SLC1A5: variants seen among roughly 807,000 people sequenced by gnomAD.
SLC1A5 encodes neutral amino acid transporter B(0).
SLC1A5 carries 25 observed loss-of-function variants against 34.9 expected under a neutral mutation model. The ratio of observed to expected loss-of-function variants is 0.72; its 90% CI spans 0.52 to 1.00. The LOEUF (loss-of-function observed/expected upper bound fraction) is 1.00. Among genes scored for constraint, SLC1A5 ranks in the 50% least tolerant of loss-of-function variants. The pLI, the probability that SLC1A5 is intolerant of heterozygous loss-of-function variation, is 0.00. For synonymous variants in SLC1A5, 351 were observed against 341.2 expected (o/e 1.03, Z -0.32); for missense variants, 637 against 740.0 (o/e 0.86, Z 1.61).
intron 4 of SLC1A5, among the ~76,000 whole-genome samples, chr19:46,781,804 AC>A (rs2055148303): frequency 6.6e-6 from 1 of 152,152 alleles, no homozygotes; most frequent in African/African-American, 2.4e-5. Context: ...CAGAAGTTAT[AC>A]AAGCAAAAAG....
chr19:46,775,450 C>T lies in SLC1A5; in HGVS notation c.*60G>A. The T allele has an allele frequency of 6.5e-7, 1 of 1,547,268 alleles. No homozygotes were observed. Among genetic ancestry groups the T allele is most frequent in the Non-Finnish European group, 8.7e-7 (1 of 1,148,696 alleles). On this transcript the variant is annotated 3_prime_UTR_variant, in exon 8 of 8. Coordinates refer to ENST00000542575, the MANE Select transcript of SLC1A5 (RefSeq NM_005628.3). ...GCCCTAGCTCATCCATTTATCCATT[C>T]CTCATAATCCAGTGTCCAAAGAGCA...
intron 4 of SLC1A5, among the ~76,000 whole-genome samples, chr19:46,780,910 G>A (rs1389674575): frequency 6.6e-6 from 1 of 152,118 alleles, no homozygotes; most frequent in Non-Finnish European, 1.5e-5. Flanking sequence ...GGCAGACATT[G>A]CAGTGAGCTG....
At chr19:46,779,267 A>G (rs187964056) in intron 4 of SLC1A5, among the ~76,000 whole-genome samples, 2 of 152,048 alleles carry the variant, frequency 1.3e-5, no homozygotes, top group Admixed American at 6.6e-5. Context: ...TCTACTAAAA[A>G]TACAAAATTA....
Position 46,775,288 on chromosome 19 carries a change from G to A in SLC1A5, c.*222C>T. ...TGCTGTTTTCTAGCCTTGAGTTGGG[G>A]ACATGAGTGAGAACTGGGGGTTTTG... On this transcript the variant is annotated 3_prime_UTR_variant, in exon 8 of 8. Transcript: ENST00000542575. 1 of 1,308,820 alleles carries A rather than the reference G, an allele frequency of 7.6e-7. No homozygotes were observed. Among genetic ancestry groups the A allele is most frequent in the African/African-American group, 1.5e-5 (1 of 66,864 alleles). The allele number at this position is 1,308,820 out of a possible 1,614,324, so 81.1% of individuals were successfully genotyped here.
chr19:46,776,562 A>G (rs2055090795), intron 7 of SLC1A5: 1 of 167,344 alleles, frequency 6.0e-6, no homozygotes, highest in Non-Finnish European at 1.3e-5. Context: ...ATAATTATGT[A>G]GCAATTACTG....
At chr19:46,780,406 T>C (rs1443376551) in intron 4 of SLC1A5, among the ~76,000 whole-genome samples, 1 of 151,802 alleles carries the variant, frequency 6.6e-6, no homozygotes, top group African/African-American at 2.4e-5. Context: ...CAGGCTGGAG[T>C]GTACTGTTGC....
chr19:46,781,058 G>T (rs58583286), intron 4 of SLC1A5, among the ~76,000 whole-genome samples: 18,676 of 152,204 alleles, frequency 0.12, 1,244 homozygotes, highest in African/African-American at 0.16. Context: ...TGAAGCATTT[G>T]CGATGTGCTC....
rs541214499 is a variant in SLC1A5 at position 46,776,617 on chromosome 19, C to T, written c.1388+358G>A. On this transcript the variant is annotated intron_variant, in intron 7 of 7. Transcript: ENST00000542575. ...AGGGAGGTGTGTCTGTTATCTAATC[C>T]TTAGGGAGAGACTGTTCTTCTCCCC... 6.0e-4 allele frequency: 134 copies of T among 221,626 alleles called. 1 individual carries two copies. The highest frequency in any genetic ancestry group is 2.8e-3 in the African/African-American group (123 of 43,916). 13.7% of individuals were successfully genotyped at this position (221,626 alleles called of 1,614,324 possible). A position where few individuals can be genotyped will look rare whatever the true frequency, so the allele number is the denominator to read the frequency against.
chr19:46,784,866 G>C, intron 1 of SLC1A5: 1 of 1,375,068 alleles, frequency 7.3e-7, no homozygotes, highest in Non-Finnish European at 9.4e-7. Context: ...CCGGGCCTCA[G>C]CTCCACCCCA....
At chr19:46,784,781 G>A (rs1167982360) in intron 1 of SLC1A5, 2 of 1,447,168 alleles carry the variant, frequency 1.4e-6, no homozygotes, top group Non-Finnish European at 1.8e-6. Flanking sequence ...CAAGAGGCTG[G>A]CGTGCTAGCC....
Position 46,787,223 on chromosome 19 carries a change from A to G in SLC1A5, c.566+177T>C. 1 of 1,426,934 alleles carries G rather than the reference A, an allele frequency of 7.0e-7. No homozygotes were observed. The highest frequency in any genetic ancestry group is 9.1e-7 in the Non-Finnish European group (1 of 1,093,008). 88.4% of individuals were successfully genotyped at this position (1,426,934 alleles called of 1,614,324 possible). A position where few individuals can be genotyped will look rare whatever the true frequency, so the allele number is the denominator to read the frequency against. ...CCCCAGATTTAGAAACCCCTTCCCC[A>G]GGAGACTAGACTCACACTCCCGAGG... On this transcript the variant is annotated intron_variant, in intron 1 of 7. Transcript: ENST00000542575. The surrounding 1 kb of genome is among the most constrained non-coding windows in gnomAD (Gnocchi z 5.2).
chr19:46,784,385 A>G, intron 2 of SLC1A5, 132 bp downstream of exon 2: 1 of 1,030,036 alleles, frequency 9.7e-7, no homozygotes, highest in African/African-American at 1.6e-5. Context: ...AACTCACAGG[A>G]GGCTCTGAGC....
chr19:46,779,038 A>C (rs2055123736), intron 4 of SLC1A5, 130 bp from the exon 5 acceptor site: 1 of 634,478 alleles, frequency 1.6e-6, no homozygotes, highest in African/African-American at 1.8e-5. Context: ...TGTGTGCTTC[A>C]GCATGGGCAC....
chr19:46,777,188 A>G, intron 6 of SLC1A5, 23 bp downstream of exon 6: 1 of 1,601,356 alleles, frequency 6.2e-7, no homozygotes, highest in Non-Finnish European at 8.5e-7. Flanking sequence ...CGGGGGTCCC[A>G]TCCGCAGCCC....
chr19:46,778,523 T>A (rs1274169240), intron 5 of SLC1A5, 152 bp downstream of exon 5: 1 of 617,826 alleles, frequency 1.6e-6, no homozygotes, highest in Non-Finnish European at 2.9e-6. Context: ...TTCCTATCTT[T>A]TTAAGGGTGG....
rs770235609 is a variant in SLC1A5, at chr19:46,785,909, G to A, written c.567-1350C>T. On this transcript the variant is annotated intron_variant, in intron 1 of 7. Transcript: ENST00000542575. ...AGCCTGGCCAACATGGCAAAACCCC[G>A]TCTCTACTAAAAACACAAAAATTAT... is the stretch of plus-strand genomic sequence containing the variant. 7.2e-4 allele frequency among the ~76,000 whole-genome samples: 109 copies of A among 152,216 alleles called. 1 individual carries two copies. The highest frequency in any genetic ancestry group is 3.4e-3 in the Middle Eastern group (1 of 294).
rs1377490456 is a variant in SLC1A5 at position 46,784,011 on chromosome 19, C to T, written c.657+86G>A. On this transcript the variant is annotated intron_variant, in intron 3 of 7. Transcript: ENST00000542575. Reference sequence around the variant, plus strand: ...ACTGCAGAGTGTCAATCAAATTCCACAGCAAAGACTAAGGCAGAAATAAAA... The same window carrying T: ...ACTGCAGAGTGTCAATCAAATTCCATAGCAAAGACTAAGGCAGAAATAAAA... The T allele has an allele frequency of 3.9e-6, 4 of 1,013,990 alleles. No individual in the cohort carries two copies. In the Admixed American group the frequency reaches 5.8e-5, roughly 15 times the overall value. 62.8% of individuals were successfully genotyped at this position (1,013,990 alleles called of 1,614,324 possible). A position where few individuals can be genotyped will look rare whatever the true frequency, so the allele number is the denominator to read the frequency against.
At chr19:46,779,818 A>C (rs912436190) in intron 4 of SLC1A5, among the ~76,000 whole-genome samples, 4 of 150,160 alleles carry the variant, frequency 2.7e-5, no homozygotes, top group African/African-American at 9.8e-5. Context: ...AGATCGCTTG[A>C]GCCCAGGAGT....
In SLC1A5 at chr19:46,775,077, AC is replaced by A; in HGVS notation, c.*432del. 9.9e-7 allele frequency: 1 copy of A among 1,005,184 alleles called. No individual in the cohort carries two copies. The highest frequency in any genetic ancestry group is 1.2e-6 in the Non-Finnish European group (1 of 842,034). The allele number at this position is 1,005,184 out of a possible 1,614,324, so 62.3% of individuals were successfully genotyped here. On this transcript the variant is annotated 3_prime_UTR_variant, in exon 8 of 8. Coordinates refer to ENST00000542575, the MANE Select transcript of SLC1A5 (RefSeq NM_005628.3). ...AACACACACACACACACACACACACACACACACACACACGTGCACACACACA... is the reference window on the plus strand; with the variant it reads ...AACACACACACACACACACACACACAACACACACACACGTGCACACACACA...
Sources: allele counts gnomAD v4.1 joint callset (sites outside exome capture counted in the v4.1 genomes callset), GRCh38; gene constraint gnomAD v4.1.1; non-coding constraint Gnocchi (gnomAD v3.1); transcripts MANE v1.5; gene names NCBI Gene and HGNC (gene_info 2026-07-23, HGNC 2026-07-21).